DLG2: variants seen among roughly 807,000 people sequenced by gnomAD.
The protein encoded by DLG2 is disks large homolog 2.
DLG2 carries 45 observed loss-of-function variants against 132.5 expected under a neutral mutation model. That is an observed-to-expected ratio of 0.34 (90% CI 0.27 to 0.44). DLG2 has a LOEUF of 0.44. Among genes scored for constraint, DLG2 ranks in the 20% least tolerant of loss-of-function variants. The probability of loss-of-function intolerance (pLI) is 1.00; values close to 1 mark genes in which losing one functional copy is unlikely to be tolerated. For missense variants in DLG2, 1,045 were observed against 1,196.9 expected, an observed-to-expected ratio of 0.87 and a Z score of 1.87; for synonymous variants, 424 against 419.6, an observed-to-expected ratio of 1.01 and a Z score of -0.13.
At chr11:85,222,714 T>C (rs1291656997) in intron 4 of DLG2, among the ~76,000 whole-genome samples, 2 of 152,146 alleles carry the variant, frequency 1.3e-5, no homozygotes, top group African/African-American at 2.4e-5. Context: ...AGATAGAAAA[T>C]AAATAAATAC....
intron 3 of DLG2, chr11:85,469,380 A>C (rs1200334358): frequency 6.6e-6 from 1 of 152,246 alleles, no homozygotes; most frequent in East Asian, 1.9e-4. Flanking sequence ...TAGCAAAACA[A>C]ATAGTAGCAT....
At chr11:84,061,706 A>G (rs993255334) in intron 10 of DLG2, among the ~76,000 whole-genome samples, 1 of 152,202 alleles carries the variant, frequency 6.6e-6, no homozygotes, top group Non-Finnish European at 1.5e-5. Context: ...GTTTAGTTAT[A>G]GGAACTCTTG....
intron 4 of DLG2, among the ~76,000 whole-genome samples, chr11:85,224,136 T>G (rs376249813): frequency 6.6e-6 from 1 of 152,178 alleles, no homozygotes; most frequent in Non-Finnish European, 1.5e-5. Context: ...ATCTGACACA[T>G]GCACAGTGCT....
intron 3 of DLG2, among the ~76,000 whole-genome samples, chr11:85,537,075 G>C (rs1002331013): frequency 6.6e-6 from 1 of 152,210 alleles, no homozygotes; most frequent in African/African-American, 2.4e-5. Context: ...AGCTAATTGG[G>C]TGGGGACTTG....
intron 22 of DLG2, among the ~76,000 whole-genome samples, chr11:83,477,512 G>GAAAC (rs2092711401): frequency 6.6e-6 from 1 of 152,038 alleles, no homozygotes; most frequent in Non-Finnish European, 1.5e-5. Context: ...CCTACCTCAG[G>GAAAC]AAACATGTAA....
intron 6 of DLG2, among the ~76,000 whole-genome samples, chr11:84,888,268 C>T (rs2088687785): frequency 1.3e-5 from 2 of 152,056 alleles, no homozygotes; most frequent in Non-Finnish European, 1.5e-5. Context: ...TCGACTCTCA[C>T]CAATGTGGAC....
At chr11:83,996,728 C>T (rs994881995) in intron 11 of DLG2, among the ~76,000 whole-genome samples, 8 of 152,054 alleles carry the variant, frequency 5.3e-5, no homozygotes, top group African/African-American at 1.7e-4. Flanking sequence ...GAAAGACAAA[C>T]ATCTCATGTT....
intron 7 of DLG2, among the ~76,000 whole-genome samples, chr11:84,397,495 C>T (rs1199903949): frequency 3.9e-5 from 6 of 152,168 alleles, no homozygotes; most frequent in South Asian, 2.1e-4. Flanking sequence ...AGAGATGACG[C>T]GGGCCATGTC....
At chr11:84,563,943 A>G (rs931450899) in intron 6 of DLG2, among the ~76,000 whole-genome samples, 34 of 152,330 alleles carry the variant, frequency 2.2e-4, no homozygotes, top group Non-Finnish European at 1.5e-5. Flanking sequence ...AAAACATTTC[A>G]GATACTGATA....
At chr11:84,123,129 C>T (rs931989583) in intron 9 of DLG2, among the ~76,000 whole-genome samples, 10 of 152,164 alleles carry the variant, frequency 6.6e-5, no homozygotes, top group African/African-American at 2.4e-4. Context: ...GTAGCATCCT[C>T]TGCTACTTAT....
chr11:83,689,627 G>A (rs955870355), intron 18 of DLG2, among the ~76,000 whole-genome samples: 5 of 151,936 alleles, frequency 3.3e-5, no homozygotes, highest in African/African-American at 1.2e-4. Context: ...TAAAAAAAAT[G>A]TAAACTATCT....
intron 6 of DLG2, among the ~76,000 whole-genome samples, chr11:84,977,395 G>C (rs2055054240): frequency 6.6e-6 from 1 of 152,156 alleles, no homozygotes. Flanking sequence ...TGACCCCTTT[G>C]AGCTTCTGAC....
At chr11:84,063,406 G>A (rs1192869628) in intron 10 of DLG2, among the ~76,000 whole-genome samples, 1 of 152,164 alleles carries the variant, frequency 6.6e-6, no homozygotes, top group Non-Finnish European at 1.5e-5. Context: ...TCTAAATTTT[G>A]CACTAAATCA....
intron 3 of DLG2, among the ~76,000 whole-genome samples, chr11:85,588,200 G>T (rs1266780027): frequency 1.3e-5 from 2 of 152,132 alleles, no homozygotes; most frequent in African/African-American, 2.4e-5. Context: ...TTTTTGTGAT[G>T]AATTTACCAG....
intron 21 of DLG2, among the ~76,000 whole-genome samples, chr11:83,514,480 C>A (rs368932816): frequency 1.3e-5 from 2 of 151,998 alleles, no homozygotes; most frequent in East Asian, 3.9e-4. Flanking sequence ...TGCAAACAGG[C>A]ACAATTTGAC....
chr11:85,459,595 A>G (rs542292952), intron 3 of DLG2, among the ~76,000 whole-genome samples: 6 of 151,866 alleles, frequency 4.0e-5, no homozygotes, highest in Non-Finnish European at 8.8e-5. Flanking sequence ...TGCCTGGTAA[A>G]GAGTAAGGGG....
intron 9 of DLG2, among the ~76,000 whole-genome samples, chr11:84,162,149 T>G (rs925214190): frequency 2.0e-5 from 3 of 152,150 alleles, no homozygotes; most frequent in African/African-American, 7.2e-5. Context: ...TATTTACATT[T>G]TTATTTCTTA....
intron 7 of DLG2, among the ~76,000 whole-genome samples, chr11:84,295,737 C>G (rs759470883): frequency 7.2e-5 from 11 of 152,246 alleles, no homozygotes; most frequent in Non-Finnish European, 1.0e-4. Context: ...TCATTTTCTT[C>G]TGAATTGTGA....
intron 7 of DLG2, among the ~76,000 whole-genome samples, chr11:84,342,782 A>G (rs2098521357): frequency 6.6e-6 from 1 of 152,186 alleles, no homozygotes; most frequent in South Asian, 2.1e-4. Flanking sequence ...ACCAACACCA[A>G]ACATATTTAT....
Sources: allele counts gnomAD v4.1 joint callset (sites outside exome capture counted in the v4.1 genomes callset), GRCh38; gene constraint gnomAD v4.1.1; transcripts MANE v1.5; gene names NCBI Gene and HGNC (gene_info 2026-07-23, HGNC 2026-07-21).